ROCK1: variants seen among roughly 807,000 people sequenced by gnomAD.
The protein encoded by ROCK1 is Rho associated coiled-coil containing protein kinase 1.
Under a neutral mutation model 196.8 loss-of-function variants are expected in ROCK1, and 36 were observed. The observed-to-expected ratio is 0.18, with a 90% CI of 0.14 to 0.24. The LOEUF (loss-of-function observed/expected upper bound fraction) is 0.24, where lower values mean the gene tolerates loss of function less well. ROCK1 is among the 10% of genes least tolerant of loss of function. The pLI is 1.00. For synonymous variants in ROCK1, 443 were observed against 515.9 expected (o/e 0.86, Z 1.91); for missense variants, 920 against 1,562.0 (o/e 0.59, Z 6.93).
intron 2 of ROCK1, among the ~76,000 whole-genome samples, chr18:21,051,368 C>CACCTA (rs2143520184): frequency 6.6e-6 from 1 of 152,224 alleles, no homozygotes; most frequent in East Asian, 1.9e-4. Context: ...GTGGGAGGAT[C>CACCTA]ACCTAAGCCC....
At chr18:21,026,252 C>T (rs2035954825) in intron 10 of ROCK1, among the ~76,000 whole-genome samples, 1 of 151,984 alleles carries the variant, frequency 6.6e-6, no homozygotes, top group African/African-American at 2.4e-5. Context: ...CGAGACCAGC[C>T]TGACCAACAT....
chr18:20,994,815 G>A (rs2035656792), intron 16 of ROCK1, among the ~76,000 whole-genome samples: 1 of 152,070 alleles, frequency 6.6e-6, no homozygotes, highest in Admixed American at 6.6e-5. Context: ...ACTTACCTGT[G>A]CAATACACGA....
intron 9 of ROCK1, among the ~76,000 whole-genome samples, chr18:21,032,610 T>A (rs1196820550): frequency 1.5e-4 from 22 of 148,882 alleles, no homozygotes; most frequent in African/African-American, 5.5e-4. Flanking sequence ...AACCTGTGCC[T>A]CCCGGGTTCA....
chr18:21,092,641 C>T (rs1358515504), intron 1 of ROCK1, among the ~76,000 whole-genome samples: 1 of 147,212 alleles, frequency 6.8e-6, no homozygotes, highest in Non-Finnish European at 1.5e-5. Flanking sequence ...TCAGAAAATG[C>T]TCATCCTCTT....
intron 1 of ROCK1, among the ~76,000 whole-genome samples, chr18:21,104,208 C>T (rs7228948): frequency 0.094 from 14,326 of 152,162 alleles, 2,295 homozygotes; most frequent in African/African-American, 0.33. Context: ...AATCGTGAAG[C>T]AAAACTGGTG....
rs1598510955 is a variant in ROCK1 at position 20,967,218 on chromosome 18, A to C, written c.3193-142T>G. 5.8e-5 allele frequency: 33 copies of C among 568,606 alleles called. No individual in the cohort carries two copies. In the East Asian group the frequency reaches 1.0e-3, roughly 17 times the overall value. 35.2% of individuals were successfully genotyped at this position (568,606 alleles called of 1,614,324 possible). A position where few individuals can be genotyped will look rare whatever the true frequency, so the allele number is the denominator to read the frequency against. ...TGTTTGCTACCACAGATTTTGATAC[A>C]CTACAGAAATGTCAAGTTCTTTCTC... On this transcript the variant is annotated intron_variant, in intron 26 of 32. Coordinates refer to ENST00000399799, the MANE Select transcript of ROCK1 (RefSeq NM_005406.3).
intron 1 of ROCK1, among the ~76,000 whole-genome samples, chr18:21,073,347 A>G (rs1355196643): frequency 6.6e-6 from 1 of 152,182 alleles, no homozygotes; most frequent in Non-Finnish European, 1.5e-5. Flanking sequence ...CCTGAGAAGC[A>G]CTGATATGGC....
At chr18:21,109,080 C>G (rs1236612324) in intron 1 of ROCK1, among the ~76,000 whole-genome samples, 2 of 152,182 alleles carry the variant, frequency 1.3e-5, no homozygotes, top group African/African-American at 4.8e-5. Context: ...TACTTTGGCT[C>G]TCTCAACTCA....
intron 2 of ROCK1, among the ~76,000 whole-genome samples, chr18:21,068,166 CTA>C (rs2036353717): frequency 1.3e-5 from 2 of 152,132 alleles, no homozygotes; most frequent in African/African-American, 2.4e-5. Context: ...CAAATATGTT[CTA>C]TGTTTTCTTC....
chr18:21,111,438 C>T lies in ROCK1; in HGVS notation c.-528G>A. 3.3e-6 allele frequency: 1 copy of T among 302,788 alleles called. No individual in the cohort carries two copies. Among genetic ancestry groups the T allele is most frequent in the South Asian group, 1.3e-4 (1 of 7,974 alleles). The allele number at this position is 302,788 out of a possible 1,614,324, so 18.8% of individuals were successfully genotyped here. On this transcript the variant is annotated 5_prime_UTR_variant, in exon 1 of 33. Transcript: ENST00000399799. The surrounding 1 kb of genome is among the most constrained non-coding windows in gnomAD (Gnocchi z 4.2). ...CAGAGGCGCTGTAGACGGTCTAGCC[C>T]CGCGTCCCCGGCTCTACTCGGCCCG...
chr18:20,983,724 T>C (rs1377329908), intron 20 of ROCK1, among the ~76,000 whole-genome samples: 2 of 152,124 alleles, frequency 1.3e-5, no homozygotes, highest in East Asian at 1.9e-4. Flanking sequence ...GAAAAGAATT[T>C]CACCAATATA....
chr18:21,083,762 G>A (rs1207238212), intron 1 of ROCK1, among the ~76,000 whole-genome samples: 5 of 151,976 alleles, frequency 3.3e-5, no homozygotes, highest in South Asian at 2.1e-4. Context: ...TACAAAATAC[G>A]TGTTGTTAAT....
chr18:21,069,536 T>A (rs909227140), intron 2 of ROCK1, among the ~76,000 whole-genome samples: 2 of 152,112 alleles, frequency 1.3e-5, no homozygotes, highest in African/African-American at 4.8e-5. Context: ...AGTAGCACAG[T>A]TTAAGGAAGC....
intron 17 of ROCK1, 121 bp from the exon 18 acceptor site, chr18:20,991,447 A>T (rs2035625327): frequency 1.5e-6 from 1 of 663,686 alleles, no homozygotes; most frequent in African/African-American, 1.8e-5. Flanking sequence ...CAATAAACAC[A>T]TATAATTAAA....
intron 1 of ROCK1, among the ~76,000 whole-genome samples, chr18:21,085,505 CTAAA>C (rs899530711): frequency 6.6e-6 from 1 of 151,872 alleles, no homozygotes; most frequent in Non-Finnish European, 1.5e-5. Context: ...AGAAAAATGG[CTAAA>C]TAAATGAGAA....
chr18:21,010,013 T>C (rs1217476263), intron 13 of ROCK1, among the ~76,000 whole-genome samples: 3 of 152,214 alleles, frequency 2.0e-5, no homozygotes, highest in Non-Finnish European at 4.4e-5. Context: ...GATTTCCTTA[T>C]GATTCTTTTG....
At chr18:21,016,898 A>G (rs538361929) in intron 12 of ROCK1, among the ~76,000 whole-genome samples, 7 of 147,868 alleles carry the variant, frequency 4.7e-5, no homozygotes, top group Non-Finnish European at 5.9e-5. Flanking sequence ...AAAAAAAGAG[A>G]AAAAAAAATT....
intron 21 of ROCK1, 74 bp downstream of exon 21, chr18:20,982,689 A>G: frequency 1.4e-6 from 1 of 729,428 alleles, no homozygotes; most frequent in Non-Finnish European, 2.5e-6. Context: ...TACAGTTCAC[A>G]TAAAAGAATC....
chr18:21,078,848 T>C (rs1265163334), intron 1 of ROCK1, among the ~76,000 whole-genome samples: 1 of 152,212 alleles, frequency 6.6e-6, no homozygotes, highest in African/African-American at 2.4e-5. Flanking sequence ...ATCCCTTTTG[T>C]AAAAGACTGA....
Sources: gnomAD v4.1 joint callset for allele counts (sites outside exome capture counted in the v4.1 genomes callset) on GRCh38, gnomAD v4.1.1 for gene constraint, Gnocchi (gnomAD v3.1) non-coding constraint, MANE v1.5 for transcripts, NCBI Gene and HGNC (gene_info 2026-07-23, HGNC 2026-07-21) for gene names.